The following DRC8 variants were observed in gnomAD, a reference collection of about 807,000 sequenced individuals.
DRC8 encodes the protein dynein regulatory complex protein 8.
At chr1:244,999,076 AAAAAAAG>A in the DRC8 span, among the ~76,000 whole-genome samples, 3 of 151,100 alleles carry the variant, frequency 2.0e-5, no homozygotes, top group East Asian at 1.9e-4. Context: ...AAAAAAAAAA[AAAAAAAG>A]AAAGAAAAGG....
the DRC8 span, chr1:245,124,303 T>C: frequency 9.2e-3 from 1,405 of 152,404 alleles, 20 homozygotes; most frequent in African/African-American, 0.032. Flanking sequence ...GGCTCCTTTA[T>C]CAGGCTCTTC....
At chr1:244,998,575 A>G in the DRC8 span, among the ~76,000 whole-genome samples, 109 of 152,200 alleles carry the variant, frequency 7.2e-4, no homozygotes, top group African/African-American at 2.2e-3. Flanking sequence ...CCTTCCCCCA[A>G]TTGGCTTATC....
chr1:245,006,506 T>C, the DRC8 span, among the ~76,000 whole-genome samples: 1 of 152,084 alleles, frequency 6.6e-6, no homozygotes, highest in Non-Finnish European at 1.5e-5. Flanking sequence ...GGTTTTATCA[T>C]GTTGGCCAGG....
the DRC8 span, among the ~76,000 whole-genome samples, chr1:244,992,421 C>T: frequency 3.3e-5 from 5 of 152,116 alleles, no homozygotes; most frequent in African/African-American, 1.2e-4. Flanking sequence ...ATTTCTTAAA[C>T]AACTAGGATT....
the DRC8 span, among the ~76,000 whole-genome samples, chr1:244,971,368 T>A: frequency 6.6e-6 from 1 of 152,202 alleles, no homozygotes; most frequent in Non-Finnish European, 1.5e-5. Context: ...GCTTCGAGGC[T>A]TAAGGTCGCC....
chr1:245,043,956 A>G, the DRC8 span: 2 of 152,242 alleles, frequency 1.3e-5, no homozygotes, highest in African/African-American at 4.8e-5. Flanking sequence ...CTTATCTAAG[A>G]TCAGAACAAC....
the DRC8 span, among the ~76,000 whole-genome samples, chr1:244,979,164 C>T: frequency 6.6e-6 from 1 of 151,982 alleles, no homozygotes; most frequent in Non-Finnish European, 1.5e-5. Context: ...GTCTGCTTCT[C>T]CTAGACTCTT....
the DRC8 span, among the ~76,000 whole-genome samples, chr1:245,003,603 T>C: frequency 6.6e-6 from 1 of 152,198 alleles, no homozygotes; most frequent in African/African-American, 2.4e-5. Context: ...TTGGAGGTTT[T>C]TTTTGAGATG....
chr1:244,981,097 C>T, the DRC8 span, among the ~76,000 whole-genome samples: 15 of 152,116 alleles, frequency 9.9e-5, no homozygotes, highest in African/African-American at 2.9e-4. Context: ...GCAGGAGAAT[C>T]GCTTGAACCT....
chr1:245,032,011 G>T, the DRC8 span, among the ~76,000 whole-genome samples: 12,071 of 152,236 alleles, frequency 0.079, 1,318 homozygotes, highest in African/African-American at 0.24. Context: ...ACCACTTTAT[G>T]CACAGAGCAA....
At chr1:245,106,824 C>T in the DRC8 span, among the ~76,000 whole-genome samples, 7 of 152,168 alleles carry the variant, frequency 4.6e-5, no homozygotes, top group Non-Finnish European at 8.8e-5. Context: ...GCTGACGGAT[C>T]ACCTGAGGTG....
the DRC8 span, chr1:245,083,348 T>C: frequency 4.3e-6 from 5 of 1,155,226 alleles, no homozygotes; most frequent in African/African-American, 7.7e-5. Flanking sequence ...ATGAAACTGG[T>C]CCCTGGTGCC....
chr1:245,122,626 TG>T, the DRC8 span: 7 of 152,136 alleles, frequency 4.6e-5, no homozygotes, highest in Admixed American at 1.3e-4. Flanking sequence ...GCCCAGCTAA[TG>T]TTTTTTTTTA....
chr1:244,980,040 TAA>T, the DRC8 span, among the ~76,000 whole-genome samples: 2,326 of 34,448 alleles, frequency 0.068, 68 homozygotes, highest in East Asian at 0.23. Context: ...CCGTCTCTAC[TAA>T]AAAAAAAAAA....
the DRC8 span, among the ~76,000 whole-genome samples, chr1:244,979,773 A>G: frequency 1.3e-5 from 2 of 152,066 alleles, no homozygotes. Flanking sequence ...AATAGCACAG[A>G]GAACAAGTAG....
the DRC8 span, among the ~76,000 whole-genome samples, chr1:244,984,890 G>A: frequency 1.3e-5 from 2 of 149,352 alleles, no homozygotes; most frequent in African/African-American, 2.5e-5. Flanking sequence ...TGACACATAC[G>A]TGTTTATCTG....
the DRC8 span, among the ~76,000 whole-genome samples, chr1:245,066,056 G>C: frequency 1.8e-4 from 27 of 151,822 alleles, no homozygotes; most frequent in Non-Finnish European, 2.9e-4. Flanking sequence ...ACTCACTACT[G>C]TCTTGGGTTC....
the DRC8 span, among the ~76,000 whole-genome samples, chr1:245,081,796 GA>G: frequency 6.6e-6 from 1 of 152,180 alleles, no homozygotes; most frequent in African/African-American, 2.4e-5. Flanking sequence ...TGTTCTTACA[GA>G]CCCATGCTCC....
the DRC8 span, among the ~76,000 whole-genome samples, chr1:245,046,575 C>A: frequency 6.6e-6 from 1 of 152,136 alleles, no homozygotes; most frequent in African/African-American, 2.4e-5. Flanking sequence ...AAATACGATG[C>A]GAGGATAGTG....
Sources: gnomAD v4.1 joint callset for allele counts (sites outside exome capture counted in the v4.1 genomes callset) on GRCh38, gnomAD v4.1.1 for gene constraint, MANE v1.5 for transcripts, NCBI Gene and HGNC (gene_info 2026-07-23, HGNC 2026-07-21) for gene names.